The following SNX13 variants were observed in gnomAD, a reference collection of about 807,000 sequenced individuals.
The protein encoded by SNX13 is sorting nexin 13.
In SNX13, 45 loss-of-function variants were observed where a neutral mutation model predicts 133.6. The observed-to-expected ratio is 0.34, with a 90% CI of 0.27 to 0.43. The LOEUF (loss-of-function observed/expected upper bound fraction) is 0.43, where lower values mean the gene tolerates loss of function less well. Among genes scored for constraint, SNX13 ranks in the 20% least tolerant of loss-of-function variants. The probability of loss-of-function intolerance (pLI) is 1.00; values close to 1 mark genes in which losing one functional copy is unlikely to be tolerated. For synonymous variants in SNX13, 414 were observed against 373.9 expected (o/e 1.11, Z -1.24); for missense variants, 1,032 against 1,145.1 (o/e 0.90, Z 1.43).
At chr7:17,805,082 A>G (rs1274126212) in intron 20 of SNX13, among the ~76,000 whole-genome samples, 1 of 152,196 alleles carries the variant, frequency 6.6e-6, no homozygotes, top group African/African-American at 2.4e-5. Flanking sequence ...AGACTGTCAC[A>G]GTACAACCCA....
intron 1 of SNX13, among the ~76,000 whole-genome samples, chr7:17,916,948 GA>G (rs1394355677): frequency 1.3e-5 from 2 of 151,978 alleles, no homozygotes; most frequent in African/African-American, 4.8e-5. Context: ...AACAACATAT[GA>G]AAAAGAAAAT....
intron 11 of SNX13, among the ~76,000 whole-genome samples, chr7:17,847,058 A>G (rs1432624466): frequency 6.6e-6 from 1 of 152,216 alleles, no homozygotes; most frequent in East Asian, 1.9e-4. Flanking sequence ...AAAAGGATTC[A>G]ATATCAAAAA....
At chr7:17,804,910 T>C (rs904929331) in intron 20 of SNX13, among the ~76,000 whole-genome samples, 2 of 152,192 alleles carry the variant, frequency 1.3e-5, no homozygotes, top group African/African-American at 2.4e-5. Flanking sequence ...TTTATTTTCA[T>C]AGCTTCCATC....
rs182702067 is a variant in SNX13 at position 17,832,200 on chromosome 7, G to A, written c.1597+1852C>T. 71 of 984,314 alleles carry A rather than the reference G, an allele frequency of 7.2e-5. 1 individual carries two copies. The East Asian group carries it at 4.9e-3, about 68-fold the overall frequency. The allele number at this position is 984,314 out of a possible 1,614,324, so 61.0% of individuals were successfully genotyped here. A position where few individuals can be genotyped will look rare whatever the true frequency, so the allele number is the denominator to read the frequency against. ...AAAAAAAAATTTTTTAATGTACTTC[G>A]TGTTTTAAAAAAGTACAGTGTATGA... On this transcript the variant is annotated intron_variant, in intron 15 of 25. Transcript: ENST00000428135.
At chr7:17,826,387 C>A (rs549555632) in intron 16 of SNX13, among the ~76,000 whole-genome samples, 5 of 152,006 alleles carry the variant, frequency 3.3e-5, no homozygotes, top group Admixed American at 2.6e-4. Flanking sequence ...CAATTATGAT[C>A]CTTATATGGC....
chr7:17,871,075 A>G (rs10252726), intron 8 of SNX13, among the ~76,000 whole-genome samples: 3,305 of 150,220 alleles, frequency 0.022, 122 homozygotes, highest in African/African-American at 0.075. Context: ...GCGCGATCTC[A>G]GCTCACTGCA....
At chr7:17,894,495 A>C (rs1255258971) in intron 2 of SNX13, among the ~76,000 whole-genome samples, 1 of 152,108 alleles carries the variant, frequency 6.6e-6, no homozygotes, top group African/African-American at 2.4e-5. Context: ...GGGAAAAAAA[A>C]ATCTAATCTA....
chr7:17,796,332 T>G (rs1784051936), intron 25 of SNX13: 1 of 152,766 alleles, frequency 6.5e-6, no homozygotes, highest in African/African-American at 2.4e-5. Flanking sequence ...AGCCAATCAG[T>G]TCTTTCTATG....
chr7:17,847,202 T>C (rs746379858), intron 11 of SNX13, among the ~76,000 whole-genome samples: 17 of 150,506 alleles, frequency 1.1e-4, no homozygotes, highest in Non-Finnish European at 2.1e-4. Flanking sequence ...GTATATAAAC[T>C]AGTTTTAAAA....
intron 5 of SNX13, among the ~76,000 whole-genome samples, chr7:17,886,612 G>A (rs10242619): frequency 0.038 from 5,760 of 151,846 alleles, 365 homozygotes; most frequent in African/African-American, 0.13. Flanking sequence ...AATATATTAT[G>A]TACTTTCTGC....
chr7:17,868,522 T>A, intron 8 of SNX13, 32 bp from the exon 9 acceptor site: 2 of 1,494,400 alleles, frequency 1.3e-6, no homozygotes, highest in Non-Finnish European at 1.8e-6. Flanking sequence ...AAAACAAATT[T>A]AATCTATTTC....
Position 17,839,960 on chromosome 7 carries a change from A to G in SNX13, c.1206T>C (p.Phe402=), listed in dbSNP as rs1789676483. ...QQTGGQAHLF[F]WMTVEGYRVT... ...CCCGGTATCCTTCCACTGTCATCCA[A>G]AAGAATAGATGTGCTTGACCTCCAG... The change falls in exon 13 of 26, where the codon TTT becomes TTC. Residue 402 remains phenylalanine (F), a synonymous_variant. Transcript: ENST00000428135. The G allele has an allele frequency of 1.9e-6, 3 of 1,611,614 alleles. No individual in the cohort carries two copies. Among genetic ancestry groups the G allele is most frequent in the Non-Finnish European group, 2.5e-6 (3 of 1,178,434 alleles).
Position 17,897,399 on chromosome 7 carries a change from A to G in SNX13, c.60T>C (p.Phe20=). The change falls in exon 2 of 26, where the codon TTT becomes TTC. Residue 20 remains phenylalanine (F), a synonymous_variant. Transcript: ENST00000428135. ...WGWGSLGIVL[F]LITFGPFVIF... is the part of the protein sequence containing the mutation. ...TTACAAAGGGTCCAAAGGTTATCAG[A>G]AAAAGGACAATGCCAAGGCTTCCCC... 2 of 1,603,808 alleles carry G rather than the reference A, an allele frequency of 1.2e-6. No homozygotes were observed. Among genetic ancestry groups the G allele is most frequent in the Non-Finnish European group, 8.5e-7 (1 of 1,174,410 alleles).
At chr7:17,876,548 C>T (rs1313429109) in intron 5 of SNX13, among the ~76,000 whole-genome samples, 3 of 135,158 alleles carry the variant, frequency 2.2e-5, no homozygotes, top group Non-Finnish European at 3.0e-5. Context: ...CCACTGCATT[C>T]GAGCCTGGGA....
intron 1 of SNX13, among the ~76,000 whole-genome samples, chr7:17,906,640 T>G (rs1358875896): frequency 6.6e-6 from 1 of 152,158 alleles, no homozygotes; most frequent in East Asian, 1.9e-4. Context: ...GATCAAATTA[T>G]AATATCTTGT....
rs1783508415 is a variant in SNX13, at chr7:17,791,262, C to T, written c.*2783G>A. ...TTTAGATTGTGAAATTTATATCATT[C>T]TTAATTTTTATAAAAATTGGTACAC... On this transcript the variant is annotated 3_prime_UTR_variant, in exon 26 of 26. Transcript: ENST00000428135. 1 of 151,784 alleles carries T rather than the reference C, an allele frequency of 6.6e-6. No individual in the cohort carries two copies. Among genetic ancestry groups the T allele is most frequent in the Non-Finnish European group, 1.5e-5 (1 of 67,840 alleles). 9.4% of individuals were successfully genotyped at this position (151,784 alleles called of 1,614,324 possible).
rs564388053 is a variant in SNX13, at chr7:17,878,550, C to G, written c.441-2760G>C. 4.6e-5 allele frequency among the ~76,000 whole-genome samples: 7 copies of G among 152,232 alleles called. No individual in the cohort carries two copies. In the South Asian group the frequency reaches 6.2e-4, roughly 14 times the overall value. ...TCTCTCTGAACATAAATTTTGCATG[C>G]CTTCATCTCTGTCTCTAATGCCACC... On this transcript the variant is annotated intron_variant, in intron 5 of 25. Transcript: ENST00000428135.
chr7:17,908,183 A>C (rs189796413), intron 1 of SNX13, among the ~76,000 whole-genome samples: 70 of 152,290 alleles, frequency 4.6e-4, no homozygotes, highest in Middle Eastern at 6.8e-3. Context: ...ATCCTCTTGG[A>C]ATTTTTCAGC....
At chr7:17,827,119 G>A (rs139839145) in intron 16 of SNX13, among the ~76,000 whole-genome samples, 23 of 151,974 alleles carry the variant, frequency 1.5e-4, no homozygotes, top group Non-Finnish European at 3.4e-4. Context: ...AGTCTCCAAT[G>A]AATTTTCCTG....
Sources: allele counts gnomAD v4.1 joint callset (sites outside exome capture counted in the v4.1 genomes callset), GRCh38; gene constraint gnomAD v4.1.1; transcripts MANE v1.5; gene names NCBI Gene and HGNC (gene_info 2026-07-23, HGNC 2026-07-21).